The following NREP variants were observed in gnomAD, a reference collection of about 807,000 sequenced individuals.
NREP encodes the protein neuronal regeneration related protein.
A neutral mutation model predicts 8.6 loss-of-function variants in NREP; 5 were observed. The observed-to-expected ratio is 0.58, with a 90% CI of 0.30 to 1.22. The LOEUF (loss-of-function observed/expected upper bound fraction) is 1.22. NREP is among the 50% of genes most tolerant of loss of function. The pLI, the probability that NREP is intolerant of heterozygous loss-of-function variation, is 0.07. For missense variants in NREP, 86 were observed against 82.5 expected (o/e 1.04, Z -0.17); for synonymous variants, 27 against 28.0 (o/e 0.96, Z 0.11).
chr5:111,751,073 T>C (rs551068628), intron 2 of NREP, among the ~76,000 whole-genome samples: 15 of 152,344 alleles, frequency 9.8e-5, no homozygotes, highest in African/African-American at 3.4e-4. Flanking sequence ...TCATTAAGAA[T>C]GAATTAAAAA....
chr5:111,752,476 T>G (rs1461380914), intron 2 of NREP, among the ~76,000 whole-genome samples: 1 of 152,208 alleles, frequency 6.6e-6, no homozygotes, highest in African/African-American at 2.4e-5. Flanking sequence ...ATATTTACAT[T>G]CTAAGCCCAA....
At chr5:111,962,966 T>G (rs1327357976) in intron 2 of NREP, among the ~76,000 whole-genome samples, 1 of 152,236 alleles carries the variant, frequency 6.6e-6, no homozygotes, top group Non-Finnish European at 1.5e-5. Flanking sequence ...AACTTCATCC[T>G]TTTTGGACGG....
intron 2 of NREP, among the ~76,000 whole-genome samples, chr5:111,748,752 G>A (rs1393364498): frequency 1.3e-5 from 2 of 151,942 alleles, no homozygotes; most frequent in African/African-American, 2.4e-5. Flanking sequence ...CACTGGTAGA[G>A]GAAATGGAAA....
intron 2 of NREP, among the ~76,000 whole-genome samples, chr5:111,898,005 A>G (rs1038221368): frequency 1.3e-5 from 2 of 152,198 alleles, no homozygotes; most frequent in Non-Finnish European, 2.9e-5. Context: ...TACAACTTCA[A>G]CTACATCTTG....
At chr5:111,770,641 G>T (rs920049390) in intron 2 of NREP, among the ~76,000 whole-genome samples, 6 of 136,616 alleles carry the variant, frequency 4.4e-5, no homozygotes, top group Non-Finnish European at 7.6e-5. Context: ...AACAATCACG[G>T]CTCACTACAG....
At chr5:111,782,502 T>C (rs964095402) in intron 2 of NREP, among the ~76,000 whole-genome samples, 1 of 152,188 alleles carries the variant, frequency 6.6e-6, no homozygotes, top group African/African-American at 2.4e-5. Context: ...CAAATTAGAC[T>C]CTTACATTTT....
At chr5:111,846,092 A>T (rs188279270) in intron 2 of NREP, 141 of 155,084 alleles carry the variant, frequency 9.1e-4, no homozygotes, top group East Asian at 2.2e-3. Context: ...ATAATAATAA[A>T]AAACAGAAAA....
chr5:111,837,231 G>T (rs1365081281), intron 2 of NREP, among the ~76,000 whole-genome samples: 1 of 152,034 alleles, frequency 6.6e-6, no homozygotes, highest in Non-Finnish European at 1.5e-5. Flanking sequence ...GCTTCTTAGA[G>T]AAATTACTGA....
chr5:111,908,673 C>T (rs1381133254), intron 2 of NREP, among the ~76,000 whole-genome samples: 3 of 151,952 alleles, frequency 2.0e-5, no homozygotes, highest in African/African-American at 7.3e-5. Context: ...ATCCGATCCT[C>T]TGTTGATGGG....
intron 2 of NREP, among the ~76,000 whole-genome samples, chr5:111,954,985 C>T (rs1417701583): frequency 6.6e-6 from 1 of 152,098 alleles, no homozygotes; most frequent in Non-Finnish European, 1.5e-5. Context: ...TAACTAAGAA[C>T]AAACTAATTT....
intron 2 of NREP, among the ~76,000 whole-genome samples, chr5:111,883,872 G>T (rs188250226): frequency 1.3e-5 from 2 of 152,032 alleles, no homozygotes; most frequent in African/African-American, 4.8e-5. Context: ...GAGAAAGCAG[G>T]AAAGATCTAA....
At chr5:111,901,660 A>G (rs1330522387) in intron 2 of NREP, among the ~76,000 whole-genome samples, 2 of 152,178 alleles carry the variant, frequency 1.3e-5, no homozygotes, top group East Asian at 1.9e-4. Flanking sequence ...GTGTTTCTAG[A>G]CACTAATAAA....
In NREP at chr5:111,836,696, C is replaced by G. The variant is rs1752903782; in HGVS notation, c.136-101189G>C. The stretch of plus-strand genomic sequence containing the variant: ...TAAATTTTCTTATAGCCAGGGAGAG[C>G]TGGCAGTGGTTGTGACATGGAAATT... On this transcript the variant is annotated intron_variant, in intron 2 of 3. Transcript: ENST00000395634. Among the ~76,000 whole-genome samples, 6 of 151,936 alleles carry G rather than the reference C, an allele frequency of 3.9e-5. No homozygotes were observed. In the South Asian group the frequency reaches 1.2e-3, roughly 32 times the overall value.
At chr5:111,808,355 C>T (rs907046903) in intron 2 of NREP, among the ~76,000 whole-genome samples, 1 of 152,164 alleles carries the variant, frequency 6.6e-6, no homozygotes, top group African/African-American at 2.4e-5. Flanking sequence ...GAATGCTGAA[C>T]ATTTGGTGTT....
At chr5:111,842,827 G>A (rs1753063676) in intron 2 of NREP, among the ~76,000 whole-genome samples, 1 of 152,168 alleles carries the variant, frequency 6.6e-6, no homozygotes, top group African/African-American at 2.4e-5. Flanking sequence ...CATTGCTGAA[G>A]AACAAGTTTG....
intron 2 of NREP, among the ~76,000 whole-genome samples, chr5:111,960,492 G>A (rs986276206): frequency 1.3e-5 from 2 of 152,112 alleles, no homozygotes; most frequent in African/African-American, 4.8e-5. Flanking sequence ...GAAATAGATG[G>A]ATCTTTGTAA....
chr5:111,866,962 A>G (rs1484281824), intron 2 of NREP, among the ~76,000 whole-genome samples: 1 of 147,968 alleles, frequency 6.8e-6, no homozygotes, highest in Non-Finnish European at 1.5e-5. Flanking sequence ...ACATGGACAC[A>G]GGAAGGGGAA....
At chr5:111,757,081 G>T in intron 1 of NREP, 55 bp downstream of exon 1, 1 of 413,864 alleles carries the variant, frequency 2.4e-6, no homozygotes, top group Non-Finnish European at 3.2e-6. Context: ...GCAAGGAATC[G>T]ACACAAAAGA....
chr5:111,853,622 G>T (rs1753359624), intron 2 of NREP, among the ~76,000 whole-genome samples: 1 of 151,768 alleles, frequency 6.6e-6, no homozygotes, highest in South Asian at 2.1e-4. Flanking sequence ...CAGTAAGTTT[G>T]TTACTATTAT....
Sources: gnomAD v4.1 joint callset for allele counts (sites outside exome capture counted in the v4.1 genomes callset) on GRCh38, gnomAD v4.1.1 for gene constraint, MANE v1.5 for transcripts, NCBI Gene and HGNC (gene_info 2026-07-23, HGNC 2026-07-21) for gene names.